The following GAREM1 variants were observed in gnomAD, a reference collection of about 807,000 sequenced individuals.
The protein encoded by GAREM1 is GRB2-associated and regulator of MAPK protein 1.
In GAREM1, 26 loss-of-function variants were observed where a neutral mutation model predicts 71.3. That is an observed-to-expected ratio of 0.36 (90% confidence interval 0.27 to 0.51). The LOEUF is 0.51. Ranked by LOEUF, GAREM1 falls within the 20% of genes least tolerant of loss-of-function variation. The pLI, the probability that GAREM1 is intolerant of heterozygous loss-of-function variation, is 0.95. For missense variants in GAREM1, 1,026 were observed against 1,103.1 expected, an observed-to-expected ratio of 0.93 and a Z score of 0.99; for synonymous variants, 440 against 433.2, an observed-to-expected ratio of 1.02 and a Z score of -0.20.
At chr18:32,300,901 C>T (rs1367761517) in intron 3 of GAREM1, among the ~76,000 whole-genome samples, 1 of 114,008 alleles carries the variant, frequency 8.8e-6, no homozygotes, top group African/African-American at 4.2e-5. Context: ...AGTGAAACTC[C>T]GTCTCAAAAA....
intron 2 of GAREM1, among the ~76,000 whole-genome samples, chr18:32,358,083 T>C (rs559000418): frequency 6.6e-6 from 1 of 151,656 alleles, no homozygotes; most frequent in East Asian, 1.9e-4. Context: ...TAGCACCGTC[T>C]ATCCCCTCCC....
chr18:32,364,016 ATATATATATATGTTTTT>A (rs1447742177), intron 2 of GAREM1, among the ~76,000 whole-genome samples: 1 of 49,136 alleles, frequency 2.0e-5, no homozygotes, highest in African/African-American at 1.2e-4. Context: ...ATATATATAT[ATATATATATATGTTTTT>A]TTTTTTTTTT....
intron 1 of GAREM1, among the ~76,000 whole-genome samples, chr18:32,416,741 G>T (rs919555020): frequency 6.6e-6 from 1 of 152,094 alleles, no homozygotes; most frequent in African/African-American, 2.4e-5. Flanking sequence ...ATTAAAGATT[G>T]AAATCTAAGA....
chr18:32,286,568 T>G (rs540194567), intron 4 of GAREM1, among the ~76,000 whole-genome samples: 6 of 152,200 alleles, frequency 3.9e-5, no homozygotes, highest in Middle Eastern at 3.2e-3. Context: ...GGAGTTTTCT[T>G]TGATTGCTCT....
At chr18:32,383,734 G>C (rs16963285) in intron 2 of GAREM1, among the ~76,000 whole-genome samples, 22,377 of 152,108 alleles carry the variant, frequency 0.15, 1,929 homozygotes, top group African/African-American at 0.24. Context: ...TTTCCACTGA[G>C]TACCTAAATG....
Position 32,406,469 on chromosome 18 carries a change from T to C in GAREM1, c.122-13434A>G, listed in dbSNP as rs140936237. 7.9e-5 allele frequency among the ~76,000 whole-genome samples: 12 copies of C among 152,190 alleles called. No homozygotes were observed. In the East Asian group the frequency reaches 1.9e-3, roughly 25 times the overall value. ...CCCGATGGACTATAATCAAATGACA[T>C]GATGAGTAAAGAAACGGTGTGTGGT... On this transcript the variant is annotated intron_variant, in intron 1 of 5. Transcript: ENST00000269209.
chr18:32,333,084 TG>T (rs1325460651), intron 2 of GAREM1, among the ~76,000 whole-genome samples: 9 of 151,424 alleles, frequency 5.9e-5, no homozygotes, highest in Non-Finnish European at 1.2e-4. Flanking sequence ...GAATGGGAGT[TG>T]ATTAAATAGT....
chr18:32,423,459 T>C (rs2048540875), intron 1 of GAREM1, among the ~76,000 whole-genome samples: 1 of 152,242 alleles, frequency 6.6e-6, no homozygotes, highest in Non-Finnish European at 1.5e-5. Context: ...GTTTTGATGT[T>C]GGCCTTTGCT....
In GAREM1 at chr18:32,446,249, T is replaced by TGTGCGCGC. The variant is rs1555647731; in HGVS notation, c.121+24058_121+24059insGCGCGCAC. On this transcript the variant is annotated intron_variant, in intron 1 of 5. Coordinates refer to ENST00000269209, the MANE Select transcript of GAREM1 (RefSeq NM_001242409.2). ...GTGTGTGTGTGTGTGTGTGTGTGTGTGTGTATAACAACAGAATTGTTCACC... is the reference window on the plus strand; with the variant it reads ...GTGTGTGTGTGTGTGTGTGTGTGTGTGTGCGCGCGTGTATAACAACAGAATTGTTCACC... 5.9e-5 allele frequency among the ~76,000 whole-genome samples: 9 copies of TGTGCGCGC among 151,974 alleles called. No homozygotes were observed. The East Asian group carries it at 1.6e-3, about 26-fold the overall frequency.
At chr18:32,291,551 A>G (rs1598935444) in intron 3 of GAREM1, among the ~76,000 whole-genome samples, 2 of 152,126 alleles carry the variant, frequency 1.3e-5, no homozygotes, top group Middle Eastern at 3.4e-3. Flanking sequence ...GTTCAGGTTT[A>G]TTACGTAGGT....
chr18:32,394,192 G>A (rs1020071572), intron 1 of GAREM1, among the ~76,000 whole-genome samples: 2 of 152,104 alleles, frequency 1.3e-5, no homozygotes, highest in Admixed American at 1.3e-4. Context: ...TTGAGTCCAG[G>A]AGTTTGAGAC....
chr18:32,288,417 ATC>A (rs1351883613), intron 3 of GAREM1, among the ~76,000 whole-genome samples: 1 of 152,180 alleles, frequency 6.6e-6, no homozygotes, highest in Non-Finnish European at 1.5e-5. Context: ...TCTTATAAAC[ATC>A]TCTTTTCTCT....
chr18:32,406,849 G>A (rs544193913), intron 1 of GAREM1, among the ~76,000 whole-genome samples: 177 of 152,232 alleles, frequency 1.2e-3, no homozygotes, highest in African/African-American at 3.9e-3. Flanking sequence ...GAAAGTATAA[G>A]ACTGAAGAGG....
chr18:32,463,539 A>G (rs1219149023), intron 1 of GAREM1, among the ~76,000 whole-genome samples: 1 of 151,478 alleles, frequency 6.6e-6, no homozygotes, highest in Non-Finnish European at 1.5e-5. Context: ...CCATATATCA[A>G]TGAAAATTAA....
At chr18:32,306,220 G>C (rs759116548) in intron 3 of GAREM1, among the ~76,000 whole-genome samples, 1 of 152,044 alleles carries the variant, frequency 6.6e-6, no homozygotes, top group Non-Finnish European at 1.5e-5. Flanking sequence ...ATTCCTTCTT[G>C]AATCTTGGCT....
At chr18:32,349,398 CTCAAA>C (rs1200062857) in intron 2 of GAREM1, among the ~76,000 whole-genome samples, 1 of 152,158 alleles carries the variant, frequency 6.6e-6, no homozygotes, top group Non-Finnish European at 1.5e-5. Flanking sequence ...GGCTTACAGG[CTCAAA>C]TCATTTATTA....
chr18:32,274,998 A>T (rs2041519492), intron 4 of GAREM1, among the ~76,000 whole-genome samples: 1 of 152,040 alleles, frequency 6.6e-6, no homozygotes, highest in Non-Finnish European at 1.5e-5. Flanking sequence ...CATATACCAT[A>T]GAATATCTTT....
intron 1 of GAREM1, among the ~76,000 whole-genome samples, chr18:32,463,552 A>C (rs1351576149): frequency 1.3e-5 from 2 of 149,850 alleles, no homozygotes; most frequent in Admixed American, 1.3e-4. Context: ...AAAATTAAAG[A>C]GAGTTTTTTA....
At chr18:32,304,526 CT>C (rs2047231835) in intron 3 of GAREM1, among the ~76,000 whole-genome samples, 1 of 152,140 alleles carries the variant, frequency 6.6e-6, no homozygotes, top group African/African-American at 2.4e-5. Flanking sequence ...CTTAATTGTG[CT>C]GTTGGCATGA....
Sources: allele counts gnomAD v4.1 joint callset (sites outside exome capture counted in the v4.1 genomes callset), GRCh38; gene constraint gnomAD v4.1.1; transcripts MANE v1.5; gene names NCBI Gene and HGNC (gene_info 2026-07-23, HGNC 2026-07-21).